The following CCDC112 variants were observed in gnomAD, a reference collection of about 807,000 sequenced individuals.
The protein encoded by CCDC112 is coiled-coil domain containing 112, also known as coiled-coil domain-containing protein 112.
In CCDC112, 40 loss-of-function variants were observed where a neutral mutation model predicts 66.3. The observed-to-expected ratio is 0.60, with a 90% CI of 0.47 to 0.79. The LOEUF is 0.79. Ranked by LOEUF, CCDC112 falls within the 30% of genes least tolerant of loss-of-function variation. The pLI is 0.00. For missense variants in CCDC112, 659 were observed against 603.8 expected (o/e 1.09, Z -0.96); for synonymous variants, 214 against 197.2 (o/e 1.09, Z -0.71).
At chr5:115,268,786 T>G in intron 9 of CCDC112, 96 bp downstream of exon 9, 1 of 440,446 alleles carries the variant, frequency 2.3e-6, no homozygotes, top group Non-Finnish European at 3.9e-6. Flanking sequence ...TTTTCATATA[T>G]ATATGAAAAA....
At chr5:115,288,599 T>G (rs1386517788) in intron 1 of CCDC112, among the ~76,000 whole-genome samples, 2 of 152,196 alleles carry the variant, frequency 1.3e-5, no homozygotes, top group African/African-American at 2.4e-5. Context: ...AACATGGGAA[T>G]GGAAGTAATT....
intron 1 of CCDC112, chr5:115,295,935 T>A: frequency 1.0e-6 from 1 of 985,070 alleles, no homozygotes; most frequent in Non-Finnish European, 1.2e-6. Context: ...TAGAAAGCGG[T>A]CCTAAGCCGA....
At chr5:115,283,648 T>C (rs947626462) in intron 2 of CCDC112, among the ~76,000 whole-genome samples, 4 of 152,094 alleles carry the variant, frequency 2.6e-5, no homozygotes, top group African/African-American at 9.7e-5. Flanking sequence ...ACAAAAGTAT[T>C]ATGTAAATGC....
At chr5:115,296,300 G>A (rs1192744520) in intron 1 of CCDC112, 127 bp downstream of exon 1, 22 of 1,338,274 alleles carry the variant, frequency 1.6e-5, no homozygotes, top group South Asian at 3.7e-5. Flanking sequence ...CGCCCAGCGC[G>A]TGCCAGGCCC....
At chr5:115,288,306 A>G (rs1394155794) in intron 1 of CCDC112, among the ~76,000 whole-genome samples, 1 of 152,202 alleles carries the variant, frequency 6.6e-6, no homozygotes, top group African/African-American at 2.4e-5. Context: ...AAGTTACTCC[A>G]GTGACTTTCC....
chr5:115,282,221 A>G (rs1449052101), intron 2 of CCDC112, among the ~76,000 whole-genome samples: 1 of 152,304 alleles, frequency 6.6e-6, no homozygotes, highest in East Asian at 1.9e-4. Flanking sequence ...CCTCTTTTTT[A>G]AACAAAGTTT....
intron 1 of CCDC112, chr5:115,288,967 T>G (rs1056347546): frequency 2.4e-5 from 9 of 369,976 alleles, no homozygotes; most frequent in Non-Finnish European, 1.0e-5. Flanking sequence ...TAAGACACAG[T>G]AGATGATATT....
At chr5:115,285,976 G>A (rs1193282265) in intron 1 of CCDC112, among the ~76,000 whole-genome samples, 1 of 152,102 alleles carries the variant, frequency 6.6e-6, no homozygotes, top group Non-Finnish European at 1.5e-5. Flanking sequence ...AGGAAACAAG[G>A]CTTCAAATTT....
At chr5:115,276,093 AT>A in intron 4 of CCDC112, 24 bp from the exon 5 acceptor site, 1 of 1,526,502 alleles carries the variant, frequency 6.6e-7, no homozygotes, top group South Asian at 1.2e-5. Flanking sequence ...ACGGAAAATT[AT>A]TTTGTGCCAT....
rs1749362546 is a variant in CCDC112, at chr5:115,279,649, T to C, written c.359A>G (p.Glu120Gly). The C allele has an allele frequency of 1.2e-6, 2 of 1,611,184 alleles. No homozygotes were observed. The highest frequency in any genetic ancestry group is 1.7e-6 in the Non-Finnish European group (2 of 1,179,332). ...AGTTCATCACAAACTCAACTTACTT[T>C]CTGTTTTCCTGCTGTGAATCAATTT... Reference protein sequence around the residue: ...ENKLIHSRKTERAKIQQQLAK... With the variant: ...ENKLIHSRKTGRAKIQQQLAK... Residue 120 changes from glutamate (E) to glycine (G), a missense_variant and splice_region_variant, in exon 3 of 10, where the codon GAA becomes GGA. Transcript: ENST00000379611.
At chr5:115,270,632 C>A (rs1561492990) in intron 7 of CCDC112, among the ~76,000 whole-genome samples, 3 of 152,140 alleles carry the variant, frequency 2.0e-5, no homozygotes, top group Admixed American at 6.5e-5. Context: ...ATGGAGCCTA[C>A]ATTATGGTGG....
chr5:115,269,693 T>G lies in CCDC112; in HGVS notation c.1428+10A>C. 1 of 1,559,038 alleles carries G rather than the reference T, an allele frequency of 6.4e-7. No individual in the cohort carries two copies. The highest frequency in any genetic ancestry group is 8.8e-7 in the Non-Finnish European group (1 of 1,142,512). Reference sequence around the variant, plus strand: ...ATAATAACAATGAAAATAATCTCGGTGCAGAGTACCTTTTCTTTTAATTTT... The same window carrying G: ...ATAATAACAATGAAAATAATCTCGGGGCAGAGTACCTTTTCTTTTAATTTT... On this transcript the variant is annotated intron_variant, in intron 8 of 9. Transcript: ENST00000379611.
intron 3 of CCDC112, 69 bp from the exon 4 acceptor site, chr5:115,277,123 T>A (rs1749240247): frequency 1.2e-6 from 1 of 856,502 alleles, no homozygotes; most frequent in African/African-American, 1.7e-5. Context: ...GGAATCTACA[T>A]GTAAGACTGA....
chr5:115,294,625 T>C (rs1161121464), intron 1 of CCDC112, among the ~76,000 whole-genome samples: 1 of 152,246 alleles, frequency 6.6e-6, no homozygotes, highest in African/African-American at 2.4e-5. Context: ...ACATCTCTAG[T>C]ATCATGAGAT....
chr5:115,282,542 A>C (rs1020820878), intron 2 of CCDC112, among the ~76,000 whole-genome samples: 7 of 152,194 alleles, frequency 4.6e-5, no homozygotes, highest in African/African-American at 1.7e-4. Flanking sequence ...TATTGTGCCT[A>C]GCAAAATCTA....
chr5:115,281,903 T>C (rs994037619), intron 2 of CCDC112, among the ~76,000 whole-genome samples: 1 of 152,204 alleles, frequency 6.6e-6, no homozygotes. Context: ...TTCTCATACA[T>C]TGTTGGTGGA....
At chr5:115,294,218 G>A (rs1750050497) in intron 1 of CCDC112, among the ~76,000 whole-genome samples, 1 of 152,164 alleles carries the variant, frequency 6.6e-6, no homozygotes. Context: ...GTAATTTAAA[G>A]ACACTGTGAT....
Position 115,275,472 on chromosome 5 carries a change from A to C in CCDC112, c.662T>G (p.Val221Gly). 1 of 1,614,026 alleles carries C rather than the reference A, an allele frequency of 6.2e-7. No individual in the cohort carries two copies. Among genetic ancestry groups the C allele is most frequent in the Non-Finnish European group, 8.5e-7 (1 of 1,179,980 alleles). The change falls in exon 6 of 10, where the codon GTA becomes GGA. Residue 221 changes from valine to glycine, a missense_variant. By Grantham distance (109) the Val-to-Gly change is moderately radical. Transcript: ENST00000379611. ...AFRAISSKVP[V>G]DKVTPSTLPE... ...AAGAGTACTTGGTGTTACTTTGTCT[A>C]CAGGAACTTTGCTTGAGATTGCTCT...
chr5:115,288,844 G>A (rs955501844), intron 1 of CCDC112, among the ~76,000 whole-genome samples: 8 of 152,252 alleles, frequency 5.3e-5, no homozygotes, highest in African/African-American at 1.9e-4. Flanking sequence ...ATAGGATGAG[G>A]TGGGATTCCC....
Sources: gnomAD v4.1 joint callset for allele counts (sites outside exome capture counted in the v4.1 genomes callset) on GRCh38, gnomAD v4.1.1 for gene constraint, MANE v1.5 for transcripts, NCBI Gene and HGNC (gene_info 2026-07-23, HGNC 2026-07-21) for gene names.